Variants in KANSL3 observed in about 807,000 individuals in gnomAD.
The protein encoded by KANSL3 is NSL complex protein NSL3.
KANSL3 carries 16 observed loss-of-function variants against 89.2 expected under a neutral mutation model. That is an observed-to-expected ratio of 0.18 (90% CI 0.12 to 0.27). The LOEUF (loss-of-function observed/expected upper bound fraction) is 0.27, where lower values mean the gene tolerates loss of function less well. Among genes scored for constraint, KANSL3 ranks in the 10% least tolerant of loss-of-function variants. The pLI is 1.00. For synonymous variants in KANSL3, 385 were observed against 419.7 expected, an observed-to-expected ratio of 0.92 and a Z score of 1.01; for missense variants, 879 against 1,110.6, an observed-to-expected ratio of 0.79 and a Z score of 2.96.
At chr2:96,635,654 AT>A (rs763007337) in intron 2 of KANSL3, among the ~76,000 whole-genome samples, 42 of 152,338 alleles carry the variant, frequency 2.8e-4, no homozygotes, top group Non-Finnish European at 5.7e-4. Context: ...TTATAAAGTC[AT>A]TGGGAAATGA....
intron 3 of KANSL3, among the ~76,000 whole-genome samples, chr2:96,626,564 T>G (rs2072364569): frequency 6.6e-6 from 1 of 152,236 alleles, no homozygotes; most frequent in South Asian, 2.1e-4. Flanking sequence ...TACTACTACA[T>G]TCTTTCACTA....
At chr2:96,596,575 G>A (rs1326027805) in intron 20 of KANSL3, among the ~76,000 whole-genome samples, 2 of 152,342 alleles carry the variant, frequency 1.3e-5, no homozygotes, top group Middle Eastern at 3.4e-3. Context: ...GGGAGGCTGA[G>A]GTGGGAAGAC....
chr2:96,634,082 ATACTG>A (rs1322023238), intron 2 of KANSL3: 1 of 152,214 alleles, frequency 6.6e-6, no homozygotes, highest in Non-Finnish European at 1.5e-5. Context: ...TATTTAATAT[ATACTG>A]TAAAGTCTAT....
At chr2:96,619,251 C>T in intron 5 of KANSL3, 108 bp downstream of exon 5, 2 of 997,742 alleles carry the variant, frequency 2.0e-6, no homozygotes, top group Non-Finnish European at 2.9e-6. Context: ...TAGTTTTGGC[C>T]ATGCACTCCA....
chr2:96,631,510 G>A (rs1208296481), intron 2 of KANSL3, 28 bp from the exon 3 acceptor site: 1 of 1,553,164 alleles, frequency 6.4e-7, no homozygotes, highest in East Asian at 2.4e-5. Context: ...AATAGGACCG[G>A]GCCACACATA....
At chr2:96,613,279 G>A (rs550262913) in intron 6 of KANSL3, among the ~76,000 whole-genome samples, 1 of 152,278 alleles carries the variant, frequency 6.6e-6, no homozygotes, top group East Asian at 1.9e-4. Context: ...TCTGAGGCAG[G>A]AGAATTGCCT....
Position 96,594,944 on chromosome 2 carries a change from G to C in KANSL3, c.*667C>G, listed in dbSNP as rs1025269960. The C allele has an allele frequency of 3.3e-5, 5 of 152,244 alleles. No homozygotes were observed. The highest frequency in any genetic ancestry group is 7.3e-5 in the Non-Finnish European group (5 of 68,058). The allele number at this position is 152,244 out of a possible 1,614,324, so 9.4% of individuals were successfully genotyped here. A position where few individuals can be genotyped will look rare whatever the true frequency, so the allele number is the denominator to read the frequency against. On this transcript the variant is annotated 3_prime_UTR_variant, in exon 21 of 21. Transcript: ENST00000431828. ...CCAACATCTAGAGTAAGTCAAAGAGGCTGAAAGATGACAGCCTAGTTCTCT... is the reference window on the plus strand; with the variant it reads ...CCAACATCTAGAGTAAGTCAAAGAGCCTGAAAGATGACAGCCTAGTTCTCT...
chr2:96,601,809 G>C (rs1400607392), intron 19 of KANSL3, 33 bp from the exon 20 acceptor site: 1 of 1,526,098 alleles, frequency 6.6e-7, no homozygotes, highest in Non-Finnish European at 8.8e-7. Context: ...GAATTTTTGA[G>C]TCACACTCTC....
At chr2:96,607,846 G>A (rs1411795298) in intron 14 of KANSL3, among the ~76,000 whole-genome samples, 1 of 152,066 alleles carries the variant, frequency 6.6e-6, no homozygotes, top group East Asian at 1.9e-4. Flanking sequence ...ACATGCTCCT[G>A]GACACATCGT....
chr2:96,617,817 T>C (rs2070460486), intron 5 of KANSL3, among the ~76,000 whole-genome samples: 1 of 151,834 alleles, frequency 6.6e-6, no homozygotes, highest in African/African-American at 2.4e-5. Flanking sequence ...ACCCTATCTC[T>C]ACTAAAAATA....
At chr2:96,609,388 A>T in intron 12 of KANSL3, 111 bp downstream of exon 12, 1 of 875,784 alleles carries the variant, frequency 1.1e-6, no homozygotes, top group Non-Finnish European at 1.9e-6. Context: ...GACCTACCAG[A>T]GGCCCCAGTG....
chr2:96,632,633 T>A (rs1057381852), intron 2 of KANSL3, among the ~76,000 whole-genome samples: 5 of 151,992 alleles, frequency 3.3e-5, no homozygotes, highest in Non-Finnish European at 7.4e-5. Context: ...TGAGAGCTCG[T>A]TTAGGGACAA....
chr2:96,615,663 T>C (rs1011858378), intron 5 of KANSL3: 2 of 378,292 alleles, frequency 5.3e-6, no homozygotes, highest in African/African-American at 2.1e-5. Context: ...ACTCCAAAAA[T>C]AGCAGAAGAT....
chr2:96,632,682 T>C (rs994722639), intron 2 of KANSL3, among the ~76,000 whole-genome samples: 2 of 152,120 alleles, frequency 1.3e-5, no homozygotes, highest in African/African-American at 4.8e-5. Flanking sequence ...ACAAGTTGAT[T>C]GCCTAGATAC....
At chr2:96,602,375 C>T (rs749449934) in intron 18 of KANSL3, 37 bp from the exon 19 acceptor site, 35 of 1,498,988 alleles carry the variant, frequency 2.3e-5, no homozygotes, top group South Asian at 1.4e-4. Flanking sequence ...CAGAAGCTGT[C>T]GCCCAACAGC....
At chr2:96,629,315 CAA>C (rs1337561107) in intron 3 of KANSL3, among the ~76,000 whole-genome samples, 1 of 152,116 alleles carries the variant, frequency 6.6e-6, no homozygotes, top group African/African-American at 2.4e-5. Flanking sequence ...ATCTGAAGCT[CAA>C]AAGAGCTTTT....
intron 2 of KANSL3, chr2:96,636,652 T>C (rs868379218): frequency 1.8e-5 from 7 of 382,572 alleles, no homozygotes; most frequent in Middle Eastern, 6.8e-4. Context: ...CCCTCTACGA[T>C]TTTCCCCTTT....
rs2074564329 is a variant in KANSL3, at chr2:96,638,307, G to A, written c.-75C>T. On this transcript the variant is annotated 5_prime_UTR_variant, in exon 1 of 21. Coordinates refer to ENST00000431828, the MANE Select transcript of KANSL3 (RefSeq NM_001115016.3). ...CCCGCGGTCTTACGGCCGCGCGCTC[G>A]GCCACGGCCGGATCCCTAAGCGCGT... is the stretch of plus-strand genomic sequence containing the variant. 1.3e-5 allele frequency: 2 copies of A among 152,244 alleles called. No homozygotes were observed. Among genetic ancestry groups the A allele is most frequent in the Non-Finnish European group, 2.9e-5 (2 of 68,042 alleles). 9.4% of individuals were successfully genotyped at this position (152,244 alleles called of 1,614,324 possible).
chr2:96,628,201 C>T lies in KANSL3; in HGVS notation c.386+3111G>A. The stretch of plus-strand genomic sequence containing the variant: ...ATCTTGCCTAGAGGAAAGATGTGTA[C>T]ATCCAGCTATTCTGCTGTGCCTCCT... On this transcript the variant is annotated intron_variant, in intron 3 of 20. Transcript: ENST00000431828. 3 of 1,265,396 alleles carry T rather than the reference C, an allele frequency of 2.4e-6. No homozygotes were observed. In the South Asian group the frequency reaches 3.9e-5, roughly 16 times the overall value. 78.4% of individuals were successfully genotyped at this position (1,265,396 alleles called of 1,614,324 possible).
Sources: gnomAD v4.1 joint callset for allele counts (sites outside exome capture counted in the v4.1 genomes callset) on GRCh38, gnomAD v4.1.1 for gene constraint, MANE v1.5 for transcripts, NCBI Gene and HGNC (gene_info 2026-07-23, HGNC 2026-07-21) for gene names.